RAB6A: variants seen among roughly 807,000 people sequenced by gnomAD.
The protein encoded by RAB6A is ras-related protein Rab-6A.
In RAB6A, 8 loss-of-function variants were observed where a neutral mutation model predicts 32.3. The observed-to-expected ratio is 0.25, with a 90% CI of 0.15 to 0.45. The LOEUF (loss-of-function observed/expected upper bound fraction) is 0.45, where lower values mean the gene tolerates loss of function less well. Among genes scored for constraint, RAB6A ranks in the 20% least tolerant of loss-of-function variants. The probability of loss-of-function intolerance (pLI) is 1.00; values close to 1 mark genes in which losing one functional copy is unlikely to be tolerated. For missense variants in RAB6A, 104 were observed against 249.4 expected (o/e 0.42, Z 3.93); for synonymous variants, 73 against 82.1 (o/e 0.89, Z 0.60).
intron 2 of RAB6A, 77 bp downstream of exon 2, chr11:73,730,688 A>C (rs1946289206): frequency 8.2e-7 from 1 of 1,213,190 alleles, no homozygotes; most frequent in Admixed American, 2.1e-5. Flanking sequence ...ACTGCAAGTA[A>C]ATAATTTTTT....
In RAB6A at chr11:73,679,784, T is replaced by C; in HGVS notation, c.496-64A>G. Reference sequence around the variant, plus strand: ...ATTTAGCAAAGGGTACTGAGGTTTATGATCACTGTACAGTGAGCTGTCTAA... The same window carrying C: ...ATTTAGCAAAGGGTACTGAGGTTTACGATCACTGTACAGTGAGCTGTCTAA... On this transcript the variant is annotated intron_variant, in intron 6 of 7. Coordinates refer to ENST00000336083, the MANE Select transcript of RAB6A (RefSeq NM_198896.2). 3.8e-6 allele frequency: 6 copies of C among 1,594,830 alleles called. No homozygotes were observed. The South Asian group carries it at 4.4e-5, about 12-fold the overall frequency.
chr11:73,684,683 C>G (rs970498267), intron 6 of RAB6A, among the ~76,000 whole-genome samples: 3 of 152,260 alleles, frequency 2.0e-5, no homozygotes, highest in South Asian at 2.1e-4. Flanking sequence ...GCCATCTAGT[C>G]AGAATGTATA....
intron 2 of RAB6A, among the ~76,000 whole-genome samples, chr11:73,724,777 C>A (rs530147854): frequency 3.9e-5 from 6 of 152,126 alleles, no homozygotes; most frequent in Admixed American, 6.6e-5. Context: ...TGAGCCACTG[C>A]GCCTGGCCTC....
intron 1 of RAB6A, among the ~76,000 whole-genome samples, chr11:73,737,973 C>T (rs7933234): frequency 4.6e-4 from 57 of 124,848 alleles, no homozygotes; most frequent in African/African-American, 9.1e-4. Context: ...CCAGCCTGGG[C>T]AACAGAGGGA....
Position 73,711,833 on chromosome 11 carries a change from A to AG in RAB6A, c.402-4321_402-4320insC, listed in dbSNP as rs753675701. ...TCTGGCAGTCTGAATCTGAGGCAAAAATATTTCTCAGTGCAGTTTCAATCA... is the reference window on the plus strand; with the variant it reads ...TCTGGCAGTCTGAATCTGAGGCAAAAGATATTTCTCAGTGCAGTTTCAATCA... On this transcript the variant is annotated intron_variant, in intron 5 of 7. Coordinates refer to ENST00000336083, the MANE Select transcript of RAB6A (RefSeq NM_198896.2). 7.9e-5 allele frequency among the ~76,000 whole-genome samples: 12 copies of AG among 152,234 alleles called. 1 individual carries two copies. The highest frequency in any genetic ancestry group is 1.2e-4 in the Non-Finnish European group (8 of 68,044).
chr11:73,750,828 T>G (rs1229843019), intron 1 of RAB6A, among the ~76,000 whole-genome samples: 1 of 152,186 alleles, frequency 6.6e-6, no homozygotes, highest in Admixed American at 6.5e-5. Flanking sequence ...GAATGTACTT[T>G]TTTTTTGAGG....
chr11:73,722,343 A>ATTTT (rs537309131), intron 2 of RAB6A: 12 of 15,364 alleles, frequency 7.8e-4, no homozygotes, highest in African/African-American at 3.2e-3. Flanking sequence ...ATATATATAT[A>ATTTT]TTTTTTTTTT....
rs991273665 is a variant in RAB6A at position 73,733,277 on chromosome 11, G to A, written c.71-2454C>T. ...TCCAGCTGTATTTTAGGCCAGGCGC[G>A]GTGGCTCACAGCTGTAATCCCAACA... On this transcript the variant is annotated intron_variant, in intron 1 of 7. Coordinates refer to ENST00000336083, the MANE Select transcript of RAB6A (RefSeq NM_198896.2). Among the ~76,000 whole-genome samples, 8 of 152,196 alleles carry A rather than the reference G, an allele frequency of 5.3e-5. No homozygotes were observed. In the East Asian group the frequency reaches 5.8e-4, roughly 11 times the overall value.
intron 2 of RAB6A, among the ~76,000 whole-genome samples, chr11:73,726,693 T>A (rs994184945): frequency 7.0e-6 from 1 of 143,702 alleles, no homozygotes; most frequent in African/African-American, 2.6e-5. Flanking sequence ...GAGGCTGCAG[T>A]GAGTCAAGAT....
intron 6 of RAB6A, among the ~76,000 whole-genome samples, chr11:73,704,444 G>T (rs1440746089): frequency 6.6e-6 from 1 of 151,840 alleles, no homozygotes; most frequent in Non-Finnish European, 1.5e-5. Flanking sequence ...CAGCAATTTG[G>T]GAGACCGAGG....
At chr11:73,742,835 C>A (rs1380021602) in intron 1 of RAB6A, among the ~76,000 whole-genome samples, 2 of 151,558 alleles carry the variant, frequency 1.3e-5, no homozygotes, top group Non-Finnish European at 2.9e-5. Context: ...ACAAATACAT[C>A]AATGCTCAAA....
intron 1 of RAB6A, among the ~76,000 whole-genome samples, chr11:73,754,219 G>A (rs1054932859): frequency 1.2e-4 from 18 of 152,080 alleles, no homozygotes; most frequent in Admixed American, 2.0e-4. Context: ...TATGTACCAC[G>A]CAGTTTTAAG....
intron 5 of RAB6A, among the ~76,000 whole-genome samples, chr11:73,715,353 T>G (rs112002449): frequency 6.6e-6 from 1 of 152,188 alleles, no homozygotes; most frequent in Non-Finnish European, 1.5e-5. Context: ...CTTGAACTCC[T>G]GACCTCGTGT....
In RAB6A at chr11:73,737,573, C is replaced by A. The variant is rs540743720; in HGVS notation, c.71-6750G>T. On this transcript the variant is annotated intron_variant, in intron 1 of 7. Transcript: ENST00000336083. Reference sequence around the variant, plus strand: ...ATAAGAGCCAAAGTGCAGAAACAAGCCAAATGTCCATCAACTAATAAACAA... The same window carrying A: ...ATAAGAGCCAAAGTGCAGAAACAAGACAAATGTCCATCAACTAATAAACAA... 1.2e-4 allele frequency among the ~76,000 whole-genome samples: 18 copies of A among 152,214 alleles called. No individual in the cohort carries two copies. In the South Asian group the frequency reaches 3.3e-3, roughly 28 times the overall value.
intron 3 of RAB6A, 195 bp from the exon 4 acceptor site, chr11:73,718,913 TA>T (rs34792668): frequency 0.017 from 19,286 of 1,131,788 alleles, 5 homozygotes; most frequent in African/African-American, 0.019. Context: ...AAAAAATAAA[TA>T]AAAAAAAAAA....
chr11:73,744,337 CAA>C (rs35787214), intron 1 of RAB6A, among the ~76,000 whole-genome samples: 11 of 108,128 alleles, frequency 1.0e-4, no homozygotes, highest in African/African-American at 3.4e-4. Flanking sequence ...GACTCCATCT[CAA>C]AAAAAAAAAA....
intron 1 of RAB6A, among the ~76,000 whole-genome samples, chr11:73,750,054 TA>T (rs1317732296): frequency 6.6e-6 from 1 of 152,136 alleles, no homozygotes; most frequent in African/African-American, 2.4e-5. Flanking sequence ...TGCCTTATAA[TA>T]ACAGGTAAAG....
chr11:73,743,760 G>C (rs1946537631), intron 1 of RAB6A, among the ~76,000 whole-genome samples: 1 of 152,098 alleles, frequency 6.6e-6, no homozygotes, highest in Non-Finnish European at 1.5e-5. Context: ...TACTTTAGAG[G>C]CTCTGAACCC....
intron 1 of RAB6A, among the ~76,000 whole-genome samples, chr11:73,740,387 CAA>C (rs1222217502): frequency 6.6e-6 from 1 of 152,142 alleles, no homozygotes; most frequent in East Asian, 1.9e-4. Context: ...CAGCTGCAAG[CAA>C]ACCTCACTGC....
Sources: gnomAD v4.1 joint callset for allele counts (sites outside exome capture counted in the v4.1 genomes callset) on GRCh38, gnomAD v4.1.1 for gene constraint, MANE v1.5 for transcripts, NCBI Gene and HGNC (gene_info 2026-07-23, HGNC 2026-07-21) for gene names.